THNSL2: variants seen among roughly 807,000 people sequenced by gnomAD.
The protein encoded by THNSL2 is threonine synthase-like 2.
THNSL2 carries 34 observed loss-of-function variants against 40.0 expected under a neutral mutation model. The ratio of observed to expected loss-of-function variants is 0.85; its 90% CI spans 0.65 to 1.13. The LOEUF (loss-of-function observed/expected upper bound fraction) is 1.13. Among genes scored for constraint, THNSL2 ranks in the 50% most tolerant of loss-of-function variants. THNSL2 has a pLI of 0.00. For missense variants in THNSL2, 537 were observed against 608.8 expected (o/e 0.88, Z 1.24); for synonymous variants, 241 against 247.5 (o/e 0.97, Z 0.25).
Position 88,178,378 on chromosome 2 carries a change from C to T in THNSL2, c.572-405C>T, listed in dbSNP as rs185566998. Among the ~76,000 whole-genome samples, 513 of 152,276 alleles carry T rather than the reference C, an allele frequency of 3.4e-3. 16 individuals are homozygous for T. The highest frequency in any genetic ancestry group is 4.7e-4 in the Non-Finnish European group (32 of 68,010). ...GGACTGTGGAGGAAAGGCTACGTCT[C>T]TCACCGTTTTCCAATCAGGCACACA... On this transcript the variant is annotated intron_variant, in intron 4 of 8. Coordinates refer to ENST00000674334, the MANE Select transcript of THNSL2 (RefSeq NM_018271.5).
At chr2:88,182,321 A>G (rs1357775999) in intron 5 of THNSL2, among the ~76,000 whole-genome samples, 1 of 152,184 alleles carries the variant, frequency 6.6e-6, no homozygotes, top group East Asian at 1.9e-4. Flanking sequence ...GTTTGAAGTA[A>G]TATCTCATGG....
chr2:88,178,696 C>G lies in THNSL2; in HGVS notation c.572-87C>G, dbSNP rs140381797. 62 of 1,456,488 alleles carry G rather than the reference C, an allele frequency of 4.3e-5. 1 individual carries two copies. In the East Asian group the frequency reaches 9.1e-4, roughly 21 times the overall value. 90.2% of individuals were successfully genotyped at this position (1,456,488 alleles called of 1,614,324 possible). ...AAGGTCCCAGGAGGGTGGGCTCAGC[C>G]TGGGAGGGCCCTGTCGCAGGTGAGT... On this transcript the variant is annotated intron_variant, in intron 4 of 8. Transcript: ENST00000674334.
At chr2:88,174,935 G>C (rs988325794) in intron 3 of THNSL2, 102 bp downstream of exon 3, 3 of 1,350,702 alleles carry the variant, frequency 2.2e-6, no homozygotes, top group Non-Finnish European at 3.1e-6. Context: ...CTGTGGTACT[G>C]GTTCTTCCAG....
In THNSL2 at chr2:88,183,244, T is replaced by C; in HGVS notation, c.1077+171T>C. ...GAATAATTTATTGAATGAGGAGAGG[T>C]AATAGAGAACATGGTTTAGAGTCAA... On this transcript the variant is annotated intron_variant, in intron 7 of 8. Coordinates refer to ENST00000674334, the MANE Select transcript of THNSL2 (RefSeq NM_018271.5). 4.5e-6 allele frequency: 4 copies of C among 885,934 alleles called. No homozygotes were observed. In the South Asian group the frequency reaches 8.2e-5, roughly 18 times the overall value. The allele number at this position is 885,934 out of a possible 1,614,324, so 54.9% of individuals were successfully genotyped here.
rs1558902476 is a variant in THNSL2, at chr2:88,185,899, AC to A, written c.1232del (p.Thr411IlefsTer23). ...TGCCACCTGCCCCCATCCCCACAGC[AC>A]TCCCCGGTGCTGCCTCGCCCCTGCC... ...YQQIDRQQPSTPRCCLAPASA... is the reference protein window; with the variant it reads ...YQQIDRQQPSXPRCCLAPASA... On this transcript the variant is annotated frameshift_variant and splice_region_variant, in exon 9 of 9. Coordinates refer to ENST00000674334, the MANE Select transcript of THNSL2 (RefSeq NM_018271.5). LOFTEE classifies it low-confidence loss of function (END_TRUNC). 1 of 1,595,434 alleles carries A rather than the reference AC, an allele frequency of 6.3e-7. No individual in the cohort carries two copies. The highest frequency in any genetic ancestry group is 1.1e-5 in the South Asian group (1 of 87,836).
chr2:88,180,231 C>T (rs1415101187), intron 5 of THNSL2, among the ~76,000 whole-genome samples: 1 of 152,222 alleles, frequency 6.6e-6, no homozygotes, highest in East Asian at 1.9e-4. Flanking sequence ...TCCATCTTTG[C>T]TCTGTCAGGA....
rs1573219120 is a variant in THNSL2, at chr2:88,186,301, G to A, written c.*178G>A. On this transcript the variant is annotated 3_prime_UTR_variant, in exon 9 of 9. Transcript: ENST00000674334. ...GGCTAGTCTGTGCCTGGTCACCAGG[G>A]AGGCTGAGTGAGGGGCTGTGAACAG... 1.6e-6 allele frequency: 1 copy of A among 641,738 alleles called. No individual in the cohort carries two copies. Among genetic ancestry groups the A allele is most frequent in the Non-Finnish European group, 2.7e-6 (1 of 369,126 alleles). The allele number at this position is 641,738 out of a possible 1,614,324, so 39.8% of individuals were successfully genotyped here. A position where few individuals can be genotyped will look rare whatever the true frequency, so the allele number is the denominator to read the frequency against.
At chr2:88,180,507 G>C (rs898570363) in intron 5 of THNSL2, among the ~76,000 whole-genome samples, 2 of 152,064 alleles carry the variant, frequency 1.3e-5, no homozygotes, top group Non-Finnish European at 2.9e-5. Flanking sequence ...GGGAGGTGGA[G>C]GTTGTGGTGA....
intron 2 of THNSL2, 129 bp downstream of exon 2, chr2:88,173,502 T>C (rs1676583035): frequency 1.6e-6 from 1 of 624,220 alleles, no homozygotes; most frequent in Non-Finnish European, 2.4e-6. Context: ...TTTATTTCTT[T>C]TCCTGACTCT....
intron 3 of THNSL2, 72 bp downstream of exon 3, chr2:88,174,905 T>C: frequency 6.6e-7 from 1 of 1,524,630 alleles, no homozygotes; most frequent in East Asian, 2.3e-5. Flanking sequence ...TAGGATGCTG[T>C]TCATAGAGCC....
At position 88,182,827 on chromosome 2, in the gene THNSL2, G is replaced by GCAT. The variant is rs1228788881; in HGVS notation, c.934_936dup (p.Ser312dup). Reference sequence around the variant, plus strand: ...CTCTGAGGCTGTTAAATCAACCTTGGCATCAGCTATGGACATTCAGGTAGG... The same window carrying GCAT: ...CTCTGAGGCTGTTAAATCAACCTTGGCATCATCAGCTATGGACATTCAGGTAGG... On this transcript the variant is annotated inframe_insertion, in exon 6 of 9. Coordinates refer to ENST00000674334, the MANE Select transcript of THNSL2 (RefSeq NM_018271.5). 5.5e-5 allele frequency: 88 copies of GCAT among 1,614,002 alleles called. No homozygotes were observed. The highest frequency in any genetic ancestry group is 7.3e-5 in the Non-Finnish European group (86 of 1,180,046).
At chr2:88,181,102 C>CCT (rs201499643) in intron 5 of THNSL2, among the ~76,000 whole-genome samples, 1 of 1,184 alleles carries the variant, frequency 8.4e-4, no homozygotes. Flanking sequence ...TCTCCTCTCT[C>CCT]CTCTCTCTCC....
intron 2 of THNSL2, 68 bp downstream of exon 2, chr2:88,173,441 C>T: frequency 8.1e-7 from 1 of 1,238,806 alleles, no homozygotes; most frequent in South Asian, 1.9e-5. Flanking sequence ...ATTGTAAATC[C>T]ATCACCAAAC....
chr2:88,184,534 G>T (rs1418790162), intron 7 of THNSL2, among the ~76,000 whole-genome samples: 2 of 152,062 alleles, frequency 1.3e-5, no homozygotes, highest in East Asian at 1.9e-4. Flanking sequence ...GGAGGCTGAG[G>T]CAGGCGGATC....
At chr2:88,170,893 C>G (rs1020367578) in intron 1 of THNSL2, among the ~76,000 whole-genome samples, 2 of 152,112 alleles carry the variant, frequency 1.3e-5, no homozygotes, top group Admixed American at 1.3e-4. Flanking sequence ...TCTCACAAAA[C>G]CCCTCCACCT....
In THNSL2 at chr2:88,178,856, C is replaced by T. The variant is rs1677226220; in HGVS notation, c.645C>T (p.His215=). ...CCGATGTGGCTTTTGTCAAGAAGCA[C>T]AATCTGATGAGCCTGAATTCGATCA... is the stretch of plus-strand genomic sequence containing the variant. ...VFADVAFVKK[H]NLMSLNSINW... Residue 215 remains histidine, a synonymous_variant, in exon 5 of 9, where the codon CAC becomes CAT. Coordinates refer to ENST00000674334, the MANE Select transcript of THNSL2 (RefSeq NM_018271.5). The T allele has an allele frequency of 1.2e-6, 2 of 1,614,194 alleles. No individual in the cohort carries two copies. The highest frequency in any genetic ancestry group is 1.7e-6 in the Non-Finnish European group (2 of 1,180,036).
intron 3 of THNSL2, 53 bp from the exon 4 acceptor site, chr2:88,175,196 T>G (rs753382628): frequency 5.1e-6 from 8 of 1,571,924 alleles, no homozygotes; most frequent in Non-Finnish European, 6.0e-6. Flanking sequence ...ATTTCTTTCC[T>G]CGTTCATTCC....
Position 88,183,290 on chromosome 2 carries a change from G to T in THNSL2, c.1077+217G>T, listed in dbSNP as rs190240006. ...GTCAAATGAGCTCAATCCCAAGTGA[G>T]CTCTGAGACATTGGGCTAGTTTCCT... On this transcript the variant is annotated intron_variant, in intron 7 of 8. Coordinates refer to ENST00000674334, the MANE Select transcript of THNSL2 (RefSeq NM_018271.5). 1.3e-4 allele frequency: 69 copies of T among 531,054 alleles called. No individual in the cohort carries two copies. The Admixed American group carries it at 1.3e-3, about 10-fold the overall frequency. 32.9% of individuals were successfully genotyped at this position (531,054 alleles called of 1,614,324 possible).
chr2:88,179,008 T>G lies in THNSL2; in HGVS notation c.797T>G (p.Leu266Arg). Residue 266 changes from leucine (L) to arginine (R), a missense_variant, in exon 5 of 9, where the codon CTT becomes CGT. Coordinates refer to ENST00000674334, the MANE Select transcript of THNSL2 (RefSeq NM_018271.5). The stretch of plus-strand genomic sequence containing the variant: ...GTGCCAACAGGGGCTGCCGGTAACC[T>G]TGCAGGTAAGGAATCCCCGGGGCAC... ...VVVPTGAAGN[L>R]AAGYIAQKIG... is the part of the protein sequence containing the mutation. 1.2e-6 allele frequency: 2 copies of G among 1,614,152 alleles called. No individual in the cohort carries two copies. Among genetic ancestry groups the G allele is most frequent in the Non-Finnish European group, 8.5e-7 (1 of 1,179,994 alleles).
Sources: gnomAD v4.1 joint callset for allele counts (sites outside exome capture counted in the v4.1 genomes callset) on GRCh38, gnomAD v4.1.1 for gene constraint, MANE v1.5 for transcripts, NCBI Gene and HGNC (gene_info 2026-07-23, HGNC 2026-07-21) for gene names.